Variants in ANKRD12 observed in about 807,000 individuals in gnomAD.
The protein encoded by ANKRD12 is ankyrin repeat domain-containing protein 12.
A neutral mutation model predicts 183.4 loss-of-function variants in ANKRD12; 85 were observed. The ratio of observed to expected loss-of-function variants is 0.46; its 90% CI spans 0.39 to 0.56. ANKRD12 has a LOEUF of 0.56. ANKRD12 is among the 20% of genes least tolerant of loss of function. ANKRD12 has a pLI of 0.00. For missense variants in ANKRD12, 2,405 were observed against 2,357.1 expected, an observed-to-expected ratio of 1.02 and a Z score of -0.42; for synonymous variants, 914 against 800.2, an observed-to-expected ratio of 1.14 and a Z score of -2.40.
chr18:9,156,614 A>G (rs1317053812), intron 1 of ANKRD12, among the ~76,000 whole-genome samples: 1 of 152,350 alleles, frequency 6.6e-6, no homozygotes, highest in South Asian at 2.1e-4. Flanking sequence ...CTAAAAGCAA[A>G]GGAAGGATTT....
Position 9,283,935 on chromosome 18 carries a change from T to C in ANKRD12, c.*2809T>C, listed in dbSNP as rs1338390533. On this transcript the variant is annotated 3_prime_UTR_variant, in exon 13 of 13. Transcript: ENST00000262126. ...ACAAGTGAATTTTTAAGTACAGGCA[T>C]ACCTCAGACGTACTTTAGGTTCCAG... The C allele has an allele frequency of 6.6e-6, 1 of 152,184 alleles. No homozygotes were observed. Among genetic ancestry groups the C allele is most frequent in the Admixed American group, 6.5e-5 (1 of 15,272 alleles). The allele number at this position is 152,184 out of a possible 1,614,324, so 9.4% of individuals were successfully genotyped here. A position where few individuals can be genotyped will look rare whatever the true frequency, so the allele number is the denominator to read the frequency against.
At chr18:9,216,554 A>G (rs1317312112) in intron 6 of ANKRD12, among the ~76,000 whole-genome samples, 1 of 152,210 alleles carries the variant, frequency 6.6e-6, no homozygotes, top group Non-Finnish European at 1.5e-5. Context: ...ACCTTGTTCA[A>G]GGGTCAACTG....
chr18:9,272,309 T>C lies in ANKRD12; in HGVS notation c.5764-3215T>C, dbSNP rs569068381. 5.9e-5 allele frequency among the ~76,000 whole-genome samples: 9 copies of C among 152,316 alleles called. 1 individual carries two copies. The highest frequency in any genetic ancestry group is 1.0e-4 in the Non-Finnish European group (7 of 68,026). On this transcript the variant is annotated intron_variant, in intron 10 of 12. Coordinates refer to ENST00000262126, the MANE Select transcript of ANKRD12 (RefSeq NM_015208.5). ...CGGGCATGGTGGCTCACGCCTGTTA[T>C]CCTAGCATTTTGGGAGGCTGAGGCA...
chr18:9,184,389 G>A (rs1349636396), intron 2 of ANKRD12, among the ~76,000 whole-genome samples: 1 of 150,692 alleles, frequency 6.6e-6, no homozygotes, highest in Non-Finnish European at 1.5e-5. Flanking sequence ...TCTTGATATG[G>A]CCATTTTTTT....
At chr18:9,224,452 A>G (rs2036597879) in intron 8 of ANKRD12, among the ~76,000 whole-genome samples, 1 of 152,156 alleles carries the variant, frequency 6.6e-6, no homozygotes, top group African/African-American at 2.4e-5. Context: ...TGAGAAGGGA[A>G]GACTATAACT....
chr18:9,196,536 C>G (rs1395185882), intron 3 of ANKRD12, among the ~76,000 whole-genome samples: 1 of 152,146 alleles, frequency 6.6e-6, no homozygotes, highest in Non-Finnish European at 1.5e-5. Context: ...AGATTATATT[C>G]TGCCTATATC....
intron 1 of ANKRD12, among the ~76,000 whole-genome samples, chr18:9,148,530 G>A (rs1037228367): frequency 1.3e-5 from 2 of 152,002 alleles, no homozygotes; most frequent in African/African-American, 4.8e-5. Flanking sequence ...AAAAATTTGA[G>A]GTGTTTATTT....
chr18:9,220,520 C>T (rs1159950260), intron 7 of ANKRD12, among the ~76,000 whole-genome samples: 1 of 152,140 alleles, frequency 6.6e-6, no homozygotes, highest in Non-Finnish European at 1.5e-5. Flanking sequence ...ACGATGACTC[C>T]CAAATTCTGG....
Position 9,148,323 on chromosome 18 carries a change from T to C in ANKRD12, c.-52+11358T>C, listed in dbSNP as rs8099293. ...GGAGGGAGGGAAAAATATATATATA[T>C]ACACACACACGTATGTATGTATGTA... is the stretch of plus-strand genomic sequence containing the variant. On this transcript the variant is annotated intron_variant, in intron 1 of 12. Coordinates refer to ENST00000262126, the MANE Select transcript of ANKRD12 (RefSeq NM_015208.5). Among the ~76,000 whole-genome samples the C allele has an allele frequency of 1.3e-3, 189 of 147,654 alleles. 1 individual carries two copies. Among genetic ancestry groups the C allele is most frequent in the African/African-American group, 4.1e-3 (165 of 40,378 alleles).
At chr18:9,196,200 A>ACACG (rs1370129103) in intron 3 of ANKRD12, among the ~76,000 whole-genome samples, 52 of 150,454 alleles carry the variant, frequency 3.5e-4, no homozygotes, top group Non-Finnish European at 6.4e-4. Context: ...ACACACACAC[A>ACACG]CACACACACA....
chr18:9,195,183 G>C (rs12605340), intron 2 of ANKRD12, among the ~76,000 whole-genome samples: 41,159 of 151,952 alleles, frequency 0.27, 6,845 homozygotes, highest in South Asian at 0.49. Context: ...CTTACTTGAG[G>C]GTGGAGGGTG....
At chr18:9,265,325 T>A (rs1366675842) in intron 10 of ANKRD12, among the ~76,000 whole-genome samples, 1 of 152,190 alleles carries the variant, frequency 6.6e-6, no homozygotes, top group Non-Finnish European at 1.5e-5. Flanking sequence ...ACAGACTGCC[T>A]TCTCAAGTGG....
At chr18:9,239,573 G>A in intron 8 of ANKRD12, 1 of 1,245,502 alleles carries the variant, frequency 8.0e-7, no homozygotes, top group Non-Finnish European at 1.0e-6. Context: ...ATCATATAAA[G>A]ATTTTGGAGT....
At chr18:9,204,569 GT>G in intron 4 of ANKRD12, 25 bp downstream of exon 4, 1 of 1,493,328 alleles carries the variant, frequency 6.7e-7, no homozygotes, top group Non-Finnish European at 9.1e-7. Context: ...AGGTGTTCCT[GT>G]TTAGCCAGTG....
chr18:9,180,109 G>GT (rs915674329), intron 1 of ANKRD12, among the ~76,000 whole-genome samples: 28 of 152,272 alleles, frequency 1.8e-4, no homozygotes, highest in Admixed American at 1.2e-3. Context: ...TCAGTTGGCC[G>GT]TTTTTGTTTC....
chr18:9,246,168 T>TA (rs1028112706), intron 8 of ANKRD12, among the ~76,000 whole-genome samples: 27 of 151,812 alleles, frequency 1.8e-4, no homozygotes, highest in African/African-American at 6.0e-4. Context: ...TAGAAACTTT[T>TA]AAAAATTATA....
At chr18:9,173,616 T>TGGGGGGGGG (rs1295840570) in intron 1 of ANKRD12, among the ~76,000 whole-genome samples, 1 of 27,858 alleles carries the variant, frequency 3.6e-5, no homozygotes. Context: ...GGTGGGGTGG[T>TGGGGGGGGG]GGGGGGGGGG....
In ANKRD12 at chr18:9,282,452, AAATT is replaced by A. The variant is rs1221912188; in HGVS notation, c.*1328_*1331del. The A allele has an allele frequency of 6.5e-6, 1 of 152,732 alleles. No individual in the cohort carries two copies. Among genetic ancestry groups the A allele is most frequent in the East Asian group, 1.9e-4 (1 of 5,196 alleles). The allele number at this position is 152,732 out of a possible 1,614,324, so 9.5% of individuals were successfully genotyped here. A position where few individuals can be genotyped will look rare whatever the true frequency, so the allele number is the denominator to read the frequency against. On this transcript the variant is annotated 3_prime_UTR_variant, in exon 13 of 13. Transcript: ENST00000262126. ...AAAACTTGGTATGCTGTTTTATAAT[AAATT>A]AGCAATATACTTTAAAAAAAATCCA...
chr18:9,248,077 C>T (rs575456607), intron 8 of ANKRD12, among the ~76,000 whole-genome samples: 8 of 152,186 alleles, frequency 5.3e-5, no homozygotes, highest in East Asian at 1.9e-4. Flanking sequence ...CATGAGCCAC[C>T]GTGCCCAACC....
Sources: gnomAD v4.1 joint callset for allele counts (sites outside exome capture counted in the v4.1 genomes callset) on GRCh38, gnomAD v4.1.1 for gene constraint, MANE v1.5 for transcripts, NCBI Gene and HGNC (gene_info 2026-07-23, HGNC 2026-07-21) for gene names.